The following HOGA1 variants were observed in gnomAD, a reference collection of about 807,000 sequenced individuals.
HOGA1 encodes 4-hydroxy-2-oxoglutarate aldolase 1.
HOGA1 carries 30 observed loss-of-function variants against 34.3 expected under a neutral mutation model. That is an observed-to-expected ratio of 0.87 (90% CI 0.65 to 1.19). The LOEUF is 1.19. HOGA1 is among the 50% of genes most tolerant of loss of function. HOGA1 has a pLI of 0.00. For missense variants in HOGA1, 417 were observed against 436.5 expected (o/e 0.96, Z 0.40); for synonymous variants, 161 against 174.0 (o/e 0.93, Z 0.59).
intron 4 of HOGA1, 39 bp downstream of exon 4, chr10:97,599,853 C>T (rs773537308): frequency 6.2e-7 from 1 of 1,613,992 alleles, no homozygotes; most frequent in Non-Finnish European, 8.5e-7. Flanking sequence ...TCCTCTCCTC[C>T]TTTTCTGGGT....
At chr10:97,599,049 C>T in intron 2 of HOGA1, 40 bp from the exon 3 acceptor site, 1 of 1,610,104 alleles carries the variant, frequency 6.2e-7, no homozygotes. Flanking sequence ...TGGTCCAGGC[C>T]TCCTTCTGCC....
At chr10:97,599,421 A>G in intron 3 of HOGA1, 1 of 718,944 alleles carries the variant, frequency 1.4e-6, no homozygotes, top group Non-Finnish European at 2.3e-6. Flanking sequence ...GAATGATGTC[A>G]TCTGTCTCAT....
chr10:97,589,954 C>T lies in HOGA1; in HGVS notation c.211+5040C>T, dbSNP rs1187683263. 4 of 1,613,894 alleles carry T rather than the reference C, an allele frequency of 2.5e-6. No individual in the cohort carries two copies. In the South Asian group the frequency reaches 4.4e-5, roughly 18 times the overall value. The stretch of plus-strand genomic sequence containing the variant: ...AGGAAACCTCTGAGTGTCCATCAGA[C>T]AAGGACAAGTCACCAGAATCCCATA... On this transcript the variant is annotated intron_variant, in intron 1 of 6. Transcript: ENST00000370646.
intron 1 of HOGA1, among the ~76,000 whole-genome samples, chr10:97,593,720 T>G (rs1019135490): frequency 2.6e-5 from 4 of 152,086 alleles, no homozygotes; most frequent in African/African-American, 9.7e-5. Context: ...CCAGGCAAAG[T>G]AAGGCAAGCA....
At chr10:97,599,945 C>A in intron 4 of HOGA1, 122 bp from the exon 5 acceptor site, 1 of 1,500,772 alleles carries the variant, frequency 6.7e-7, no homozygotes, top group Non-Finnish European at 9.3e-7. Context: ...GTCGTGCGGG[C>A]TCTCTGGGAC....
In HOGA1 at chr10:97,594,935, C is replaced by T. The variant is rs561245418; in HGVS notation, c.212-3840C>T. On this transcript the variant is annotated intron_variant, in intron 1 of 6. Transcript: ENST00000370646. ...GAAATATTATACAAGGAACAGGTAA[C>T]GGAAATGCAGAGCAGGGAGGCCCAG... Among the ~76,000 whole-genome samples, 104 of 152,256 alleles carry T rather than the reference C, an allele frequency of 6.8e-4. 1 individual carries two copies. Among genetic ancestry groups the T allele is most frequent in the African/African-American group, 1.7e-3 (70 of 41,546 alleles).
At chr10:97,607,712 C>T (rs992400586) in intron 6 of HOGA1, among the ~76,000 whole-genome samples, 1 of 152,018 alleles carries the variant, frequency 6.6e-6, no homozygotes, top group African/African-American at 2.4e-5. Flanking sequence ...ATGTAACGTC[C>T]AGAGCTTTTA....
Position 97,599,793 on chromosome 10 carries a change from C to A in HOGA1, c.582C>A (p.Gly194=). The A allele has an allele frequency of 6.2e-7, 1 of 1,614,212 alleles. No homozygotes were observed. The highest frequency in any genetic ancestry group is 8.5e-7 in the Non-Finnish European group (1 of 1,180,046). Residue 194 remains glycine, a synonymous_variant, in exon 4 of 7, where the codon GGC becomes GGA. Coordinates refer to ENST00000370646, the MANE Select transcript of HOGA1 (RefSeq NM_138413.4). The part of the protein sequence containing the change: ...VTLSQHPNIV[G]MKDSGGDVTR... ...TTTCCCAGCACCCGAATATTGTGGG[C>A]ATGAAGGACAGCGGTGGTGATGTGA... is the stretch of plus-strand genomic sequence containing the variant.
chr10:97,598,796 A>G lies in HOGA1; in HGVS notation c.233A>G (p.Asn78Ser). 1 of 1,614,138 alleles carries G rather than the reference A, an allele frequency of 6.2e-7. No individual in the cohort carries two copies. The highest frequency in any genetic ancestry group is 8.5e-7 in the Non-Finnish European group (1 of 1,180,016). ...GCAGGCTTCGTGGTCCAGGGCTCCAATGGCGAGTTTCCTTTCCTGACCAGC... is the reference window on the plus strand; with the variant it reads ...GCAGGCTTCGTGGTCCAGGGCTCCAGTGGCGAGTTTCCTTTCCTGACCAGC... ...PFRGFVVQGSNGEFPFLTSSE... is the reference protein window; with the variant it reads ...PFRGFVVQGSSGEFPFLTSSE... The change falls in exon 2 of 7, where the codon AAT (asparagine) becomes AGT (serine). Residue 78 changes from asparagine (N) to serine (S), a missense_variant. Asn to Ser is a conservative substitution (Grantham distance 46, BLOSUM62 1). Coordinates refer to ENST00000370646, the MANE Select transcript of HOGA1 (RefSeq NM_138413.4).
intron 4 of HOGA1, 32 bp downstream of exon 4, chr10:97,599,846 TCTC>T (rs2135722339): frequency 6.2e-7 from 1 of 1,614,054 alleles, no homozygotes; most frequent in Non-Finnish European, 8.5e-7. Flanking sequence ...GCTGGGGTCC[TCTC>T]CTCCTTTTCT....
Position 97,605,428 on chromosome 10 carries a change from A to C in HOGA1, c.834+3438A>C, listed in dbSNP as rs1395454059. ...CCTGTCTCAAAAAAAAAAAACAAAA[A>C]ACCAAAACAAACAAAAAACAAACCC... On this transcript the variant is annotated intron_variant, in intron 6 of 6. Coordinates refer to ENST00000370646, the MANE Select transcript of HOGA1 (RefSeq NM_138413.4). 3.3e-5 allele frequency among the ~76,000 whole-genome samples: 5 copies of C among 152,018 alleles called. No individual in the cohort carries two copies. In the East Asian group the frequency reaches 9.6e-4, roughly 29 times the overall value.
intron 1 of HOGA1, chr10:97,590,393 G>A (rs1419934558): frequency 6.2e-7 from 1 of 1,614,160 alleles, no homozygotes; most frequent in South Asian, 1.1e-5. Flanking sequence ...CATCAACCAG[G>A]AGGAGCTGAG....
rs1332189926 is a variant in HOGA1, at chr10:97,611,929, T to C, written c.*270T>C. 1.4e-5 allele frequency: 7 copies of C among 506,674 alleles called. No individual in the cohort carries two copies. The highest frequency in any genetic ancestry group is 2.1e-5 in the Non-Finnish European group (6 of 281,882). The allele number at this position is 506,674 out of a possible 1,614,324, so 31.4% of individuals were successfully genotyped here. On this transcript the variant is annotated 3_prime_UTR_variant, in exon 7 of 7. Coordinates refer to ENST00000370646, the MANE Select transcript of HOGA1 (RefSeq NM_138413.4). The stretch of plus-strand genomic sequence containing the variant: ...GGAGCAATTTCTCAATTTATCTTTC[T>C]ACTGTGGATGCTTTCCTACGCCCTG...
chr10:97,588,199 C>CT (rs1221596544), intron 1 of HOGA1, among the ~76,000 whole-genome samples: 2,112 of 97,330 alleles, frequency 0.022, 65 homozygotes, highest in African/African-American at 0.063. Context: ...TTTTTTCTTT[C>CT]TTTTTTTTTT....
At position 97,595,522 on chromosome 10, in the gene HOGA1, C is replaced by G. The variant is rs560994569; in HGVS notation, c.212-3253C>G. ...ACCAGCCTGGCCAACATGGTGAAAC[C>G]CTGTCTCTACTAAAAATACAAAAAT... On this transcript the variant is annotated intron_variant, in intron 1 of 6. Transcript: ENST00000370646. 2.0e-5 allele frequency among the ~76,000 whole-genome samples: 3 copies of G among 152,258 alleles called. No individual in the cohort carries two copies. In the East Asian group the frequency reaches 5.8e-4, roughly 29 times the overall value.
intron 6 of HOGA1, among the ~76,000 whole-genome samples, chr10:97,604,896 G>A (rs1272366180): frequency 2.0e-5 from 3 of 152,166 alleles, no homozygotes; most frequent in African/African-American, 4.8e-5. Flanking sequence ...CAAGAGAATC[G>A]CTTGAATGCG....
At chr10:97,602,300 C>G in intron 6 of HOGA1, 2 of 1,310,724 alleles carry the variant, frequency 1.5e-6, no homozygotes, top group Non-Finnish European at 2.0e-6. Context: ...ACAGAGTAAC[C>G]CTAGGACCAC....
At chr10:97,597,507 C>A (rs2041080706) in intron 1 of HOGA1, among the ~76,000 whole-genome samples, 1 of 151,888 alleles carries the variant, frequency 6.6e-6, no homozygotes, top group Admixed American at 6.6e-5. Context: ...TAGACATATC[C>A]CAAGTAAGTG....
At chr10:97,599,900 T>C in intron 4 of HOGA1, 86 bp downstream of exon 4, 1 of 1,595,192 alleles carries the variant, frequency 6.3e-7, no homozygotes, top group Non-Finnish European at 8.6e-7. Flanking sequence ...CTCTGAGATC[T>C]GTTTCCAACC....
Sources: allele counts gnomAD v4.1 joint callset (sites outside exome capture counted in the v4.1 genomes callset), GRCh38; gene constraint gnomAD v4.1.1; transcripts MANE v1.5; gene names NCBI Gene and HGNC (gene_info 2026-07-23, HGNC 2026-07-21).